The following MALRD1 variants were observed in gnomAD, a reference collection of about 807,000 sequenced individuals.
MALRD1 encodes MAM and LDL-receptor class A domain-containing protein 1.
A neutral mutation model predicts 242.1 loss-of-function variants in MALRD1; 247 were observed. The ratio of observed to expected loss-of-function variants is 1.02; its 90% CI spans 0.92 to 1.13. The LOEUF (loss-of-function observed/expected upper bound fraction) is 1.13. Among genes scored for constraint, MALRD1 ranks in the 50% most tolerant of loss-of-function variants. The pLI is 0.00. For synonymous variants in MALRD1, 995 were observed against 866.6 expected (o/e 1.15, Z -2.60); for missense variants, 2,989 against 2,533.1 (o/e 1.18, Z -3.86).
intron 2 of MALRD1, among the ~76,000 whole-genome samples, chr10:19,078,038 C>A (rs1333425538): frequency 6.6e-6 from 1 of 151,710 alleles, no homozygotes; most frequent in Non-Finnish European, 1.5e-5. Context: ...TGAGATAATT[C>A]ATAAAAGTTG....
intron 18 of MALRD1, among the ~76,000 whole-genome samples, chr10:19,214,529 T>C (rs1280197517): frequency 3.3e-5 from 5 of 152,214 alleles, no homozygotes; most frequent in Non-Finnish European, 7.3e-5. Context: ...CACAGAACTT[T>C]CTGTCCATTG....
chr10:19,476,153 G>T (rs1398464581), intron 29 of MALRD1, among the ~76,000 whole-genome samples: 1 of 152,094 alleles, frequency 6.6e-6, no homozygotes, highest in African/African-American at 2.4e-5. Context: ...GCCATCCTTG[G>T]GGAGAGTAAG....
chr10:19,327,069 G>A (rs1179705319), intron 22 of MALRD1, among the ~76,000 whole-genome samples: 1 of 152,014 alleles, frequency 6.6e-6, no homozygotes, highest in Admixed American at 6.6e-5. Context: ...TACTGGCGCA[G>A]CATAAATAGA....
intron 2 of MALRD1, among the ~76,000 whole-genome samples, chr10:19,081,283 T>C (rs555968781): frequency 4.8e-4 from 73 of 151,992 alleles, no homozygotes; most frequent in Admixed American, 9.8e-4. Context: ...CAAATAAATA[T>C]AAACGATTCT....
intron 26 of MALRD1, among the ~76,000 whole-genome samples, chr10:19,365,659 TAAAAAAAAAAAAA>T (rs199989681): frequency 8.1e-6 from 1 of 122,862 alleles, no homozygotes; most frequent in African/African-American, 2.9e-5. Context: ...TTATAAATTC[TAAAAAAAAAAAAA>T]AAAAAAAAAA....
intron 28 of MALRD1, among the ~76,000 whole-genome samples, chr10:19,437,971 G>T (rs1043389172): frequency 2.0e-5 from 3 of 151,900 alleles, no homozygotes; most frequent in African/African-American, 7.3e-5. Flanking sequence ...TTTTGAGAAC[G>T]TGTCTTTCTC....
chr10:19,250,616 G>A (rs1839255302), intron 18 of MALRD1, among the ~76,000 whole-genome samples: 1 of 151,830 alleles, frequency 6.6e-6, no homozygotes, highest in Non-Finnish European at 1.5e-5. Flanking sequence ...CCCAATTTTG[G>A]CCCTTTTTTT....
intron 36 of MALRD1, among the ~76,000 whole-genome samples, chr10:19,675,399 C>A (rs1842098283): frequency 6.6e-6 from 1 of 152,110 alleles, no homozygotes; most frequent in Non-Finnish European, 1.5e-5. Flanking sequence ...GCTTCAATTT[C>A]CTCTGTAAAT....
chr10:19,268,263 G>T (rs375876085), intron 19 of MALRD1, among the ~76,000 whole-genome samples: 2 of 151,896 alleles, frequency 1.3e-5, no homozygotes, highest in East Asian at 1.9e-4. Flanking sequence ...AAAAAGCACT[G>T]CATAGTTTGT....
intron 30 of MALRD1, among the ~76,000 whole-genome samples, chr10:19,497,704 T>A (rs1837784210): frequency 1.3e-5 from 2 of 152,102 alleles, no homozygotes; most frequent in African/African-American, 4.8e-5. Flanking sequence ...TCAATGACAA[T>A]CTCAATTGAT....
At chr10:19,345,685 A>G (rs1257752031) in intron 24 of MALRD1, among the ~76,000 whole-genome samples, 1 of 152,192 alleles carries the variant, frequency 6.6e-6, no homozygotes, top group Non-Finnish European at 1.5e-5. Flanking sequence ...CTATCCTTGA[A>G]GACATTACAA....
chr10:19,300,592 A>G (rs146281788), intron 21 of MALRD1, among the ~76,000 whole-genome samples: 4 of 152,140 alleles, frequency 2.6e-5, no homozygotes, highest in African/African-American at 4.8e-5. Flanking sequence ...AAAATTGACA[A>G]TAAAAAGCAA....
intron 34 of MALRD1, among the ~76,000 whole-genome samples, chr10:19,597,289 C>T (rs1220142650): frequency 6.6e-6 from 1 of 152,134 alleles, no homozygotes; most frequent in East Asian, 1.9e-4. Context: ...TCAATATAGC[C>T]ATATGATATT....
intron 18 of MALRD1, among the ~76,000 whole-genome samples, chr10:19,245,048 C>T (rs1251118219): frequency 6.6e-6 from 1 of 152,084 alleles, no homozygotes; most frequent in African/African-American, 2.4e-5. Context: ...GAGCATACCT[C>T]TTAGAATCCA....
chr10:19,371,724 A>G (rs58629216), intron 26 of MALRD1, among the ~76,000 whole-genome samples: 2 of 152,338 alleles, frequency 1.3e-5, no homozygotes, highest in East Asian at 3.9e-4. Flanking sequence ...TGTTGCTTAC[A>G]ATTATATTCA....
intron 38 of MALRD1, among the ~76,000 whole-genome samples, chr10:19,717,400 A>G (rs77977065): frequency 6.6e-6 from 1 of 152,192 alleles, no homozygotes; most frequent in Non-Finnish European, 1.5e-5. Context: ...GCAGATGGTG[A>G]TGAAGAAGAC....
intron 29 of MALRD1, among the ~76,000 whole-genome samples, chr10:19,465,233 C>A (rs1836160772): frequency 6.6e-6 from 1 of 152,064 alleles, no homozygotes. Flanking sequence ...CTAGCTAGGG[C>A]TTCCAGTACT....
intron 1 of MALRD1, among the ~76,000 whole-genome samples, chr10:19,054,705 G>T (rs1834610149): frequency 6.6e-6 from 1 of 151,914 alleles, no homozygotes; most frequent in Non-Finnish European, 1.5e-5. Flanking sequence ...TGTCCTTCAG[G>T]TTCATTCGTG....
chr10:19,692,355 C>T lies in MALRD1; in HGVS notation c.6211C>T (p.Gln2071Ter). The change falls in exon 37 of 40, where the codon CAG (glutamine) becomes TAG (stop). Residue 2071 changes from glutamine (Q) to a stop codon, truncating the protein, a stop_gained. Transcript: ENST00000454679. LOFTEE classifies it high-confidence loss of function. ...NPPATDFTYAQNNTWTLLGIG... is the reference protein window; with the variant it reads ...NPPATDFTYA ...TCCTGCTACAGACTTCACATACGCTCAGAATAGTAGGTGACATTATGACTA... is the reference window on the plus strand; with the variant it reads ...TCCTGCTACAGACTTCACATACGCTTAGAATAGTAGGTGACATTATGACTA... 6.5e-7 allele frequency: 1 copy of T among 1,534,798 alleles called. No individual in the cohort carries two copies.
Sources: gnomAD v4.1 joint callset for allele counts (sites outside exome capture counted in the v4.1 genomes callset) on GRCh38, gnomAD v4.1.1 for gene constraint, MANE v1.5 for transcripts, NCBI Gene and HGNC (gene_info 2026-07-23, HGNC 2026-07-21) for gene names.